Variants in CELF1 observed in about 807,000 individuals in gnomAD.
The protein encoded by CELF1 is 50 kDa nuclear polyadenylated RNA-binding protein.
CELF1 carries 10 observed loss-of-function variants against 61.8 expected under a neutral mutation model. That is an observed-to-expected ratio of 0.16 (90% CI 0.10 to 0.27). The LOEUF is 0.27. Ranked by LOEUF, CELF1 falls within the 10% of genes least tolerant of loss-of-function variation. The probability of loss-of-function intolerance (pLI) is 1.00; values close to 1 mark genes in which losing one functional copy is unlikely to be tolerated. For synonymous variants in CELF1, 236 were observed against 225.1 expected (o/e 1.05, Z -0.43); for missense variants, 380 against 639.1 (o/e 0.59, Z 4.37).
At chr11:47,478,041 G>C (rs1198142647) in intron 10 of CELF1, among the ~76,000 whole-genome samples, 1 of 152,084 alleles carries the variant, frequency 6.6e-6, no homozygotes, top group Admixed American at 6.6e-5. Context: ...TGCTGTCGCT[G>C]CTGCAAACCA....
At chr11:47,528,898 AAAAG>A (rs1284521726) in intron 1 of CELF1, among the ~76,000 whole-genome samples, 3 of 151,624 alleles carry the variant, frequency 2.0e-5, no homozygotes, top group East Asian at 3.9e-4. Flanking sequence ...CTCAAAAAAA[AAAAG>A]AAAGGTAAAG....
chr11:47,529,724 G>A (rs1026879329), intron 1 of CELF1, among the ~76,000 whole-genome samples: 5 of 152,108 alleles, frequency 3.3e-5, no homozygotes, highest in African/African-American at 1.2e-4. Context: ...GGGAGGCTGA[G>A]GCAGGAGAAC....
intron 10 of CELF1, chr11:47,477,825 C>A (rs2080937851): frequency 1.2e-5 from 2 of 163,714 alleles, no homozygotes; most frequent in South Asian, 3.3e-4. Flanking sequence ...TAGAGGGGAA[C>A]ACGCAGAAAA....
intron 2 of CELF1, among the ~76,000 whole-genome samples, chr11:47,559,368 T>C (rs1366951660): frequency 6.6e-6 from 1 of 151,616 alleles, no homozygotes; most frequent in East Asian, 1.9e-4. Context: ...CCTGGCCTTT[T>C]TTTTTTTTGT....
intron 1 of CELF1, among the ~76,000 whole-genome samples, chr11:47,501,188 G>A (rs2093846988): frequency 6.6e-6 from 1 of 152,176 alleles, no homozygotes; most frequent in Non-Finnish European, 1.5e-5. Context: ...TCGCTCATCT[G>A]ATTTACTACT....
chr11:47,471,859 G>C lies in CELF1; in HGVS notation c.*371C>G, dbSNP rs1348488126. 5.5e-6 allele frequency: 1 copy of C among 183,308 alleles called. No individual in the cohort carries two copies. Among genetic ancestry groups the C allele is most frequent in the Admixed American group, 5.3e-5 (1 of 18,738 alleles). The allele number at this position is 183,308 out of a possible 1,614,324, so 11.4% of individuals were successfully genotyped here. A position where few individuals can be genotyped will look rare whatever the true frequency, so the allele number is the denominator to read the frequency against. On this transcript the variant is annotated 3_prime_UTR_variant, in exon 15 of 15. Coordinates refer to ENST00000687097, the MANE Select transcript of CELF1 (RefSeq NM_001376376.1). ...TTGGGGCAAATCCTGATCATCGTCT[G>C]TGTTAAATGTTTCCCTGTCCCCCTT...
At chr11:47,520,524 C>T (rs1196691951) in intron 1 of CELF1, among the ~76,000 whole-genome samples, 2 of 152,122 alleles carry the variant, frequency 1.3e-5, no homozygotes, top group Non-Finnish European at 2.9e-5. Context: ...GGTAAAGAAG[C>T]AGGCCAGGCA....
intron 1 of CELF1, among the ~76,000 whole-genome samples, chr11:47,549,755 G>A (rs888478946): frequency 2.0e-5 from 3 of 151,908 alleles, no homozygotes; most frequent in South Asian, 2.1e-4. Flanking sequence ...CCAACAGTGC[G>A]AATGTACTTA....
chr11:47,555,764 T>A (rs563614522), upstream of CELF1, among the ~76,000 whole-genome samples: 56 of 152,164 alleles, frequency 3.7e-4, no homozygotes, highest in Middle Eastern at 6.8e-3. Context: ...TCCTAGCACT[T>A]TGGGAGGCCG....
chr11:47,537,454 G>T (rs2096658524), intron 1 of CELF1, among the ~76,000 whole-genome samples: 1 of 151,904 alleles, frequency 6.6e-6, no homozygotes, highest in Non-Finnish European at 1.5e-5. Context: ...TCACCATGTT[G>T]TCCAGGATGG....
At chr11:47,489,532 C>T (rs1306355982) in intron 3 of CELF1, among the ~76,000 whole-genome samples, 2 of 151,944 alleles carry the variant, frequency 1.3e-5, no homozygotes, top group Non-Finnish European at 2.9e-5. Flanking sequence ...AAACTAAGGA[C>T]TAGAATGCTG....
At chr11:47,533,972 C>T (rs1489431699) in intron 1 of CELF1, among the ~76,000 whole-genome samples, 1 of 148,408 alleles carries the variant, frequency 6.7e-6, no homozygotes, top group Non-Finnish European at 1.5e-5. Flanking sequence ...ATGTATGCTG[C>T]TATTTCTTTC....
chr11:47,563,735 G>A (rs1244675132), intron 2 of CELF1, among the ~76,000 whole-genome samples: 2 of 152,102 alleles, frequency 1.3e-5, no homozygotes, highest in Non-Finnish European at 2.9e-5. Context: ...AAAACCACCA[G>A]ATGGGCCGGG....
intron 1 of CELF1, among the ~76,000 whole-genome samples, chr11:47,507,419 A>C (rs568504576): frequency 1.6e-4 from 25 of 152,220 alleles, no homozygotes; most frequent in African/African-American, 6.0e-4. Flanking sequence ...TGCCACTGTA[A>C]ATGCATCTTG....
intron 1 of CELF1, among the ~76,000 whole-genome samples, chr11:47,527,019 C>A (rs1309847481): frequency 6.6e-6 from 1 of 151,420 alleles, no homozygotes; most frequent in Non-Finnish European, 1.5e-5. Context: ...CCACTGCACT[C>A]CAGCCTGGGC....
intron 3 of CELF1, among the ~76,000 whole-genome samples, chr11:47,492,831 T>C (rs2092103691): frequency 1.3e-5 from 2 of 152,208 alleles, no homozygotes; most frequent in African/African-American, 4.8e-5. Flanking sequence ...TACTAGAATG[T>C]TGCTAATCTT....
intron 1 of CELF1, among the ~76,000 whole-genome samples, chr11:47,564,795 C>G (rs1221987306): frequency 6.6e-6 from 1 of 152,148 alleles, no homozygotes; most frequent in East Asian, 1.9e-4. Context: ...CGTCTCAAAA[C>G]AAACAAACAA....
Position 47,472,376 on chromosome 11 carries a change from A to G in CELF1, c.1418-19T>C, listed in dbSNP as rs778812068. The G allele has an allele frequency of 6.2e-7, 1 of 1,611,702 alleles. No individual in the cohort carries two copies. Among genetic ancestry groups the G allele is most frequent in the South Asian group, 1.1e-5 (1 of 91,026 alleles). On this transcript the variant is annotated intron_variant, in intron 14 of 14. Transcript: ENST00000687097. The stretch of plus-strand genomic sequence containing the variant: ...ACAAAACCTGTGTGTCCAAGCAGAA[A>G]CCTAGGTGAGGGACATAATGAGGCA...
chr11:47,475,549 A>G (rs201396363), intron 12 of CELF1, 28 bp from the exon 13 acceptor site: 42 of 1,610,334 alleles, frequency 2.6e-5, no homozygotes, highest in Non-Finnish European at 3.4e-5. Flanking sequence ...AAGGATTAAT[A>G]TACTAGAAAG....
Sources: allele counts gnomAD v4.1 joint callset (sites outside exome capture counted in the v4.1 genomes callset), GRCh38; gene constraint gnomAD v4.1.1; transcripts MANE v1.5; gene names NCBI Gene and HGNC (gene_info 2026-07-23, HGNC 2026-07-21).